ADD3: variants seen among roughly 807,000 people sequenced by gnomAD.
The protein encoded by ADD3 is adducin 3, also known as gamma-adducin.
ADD3 carries 25 observed loss-of-function variants against 80.2 expected under a neutral mutation model. The ratio of observed to expected loss-of-function variants is 0.31; its 90% confidence interval spans 0.23 to 0.44. The LOEUF (loss-of-function observed/expected upper bound fraction) is 0.44, where lower values mean the gene tolerates loss of function less well. Among genes scored for constraint, ADD3 ranks in the 20% least tolerant of loss-of-function variants. The pLI is 1.00. For missense variants in ADD3, 829 were observed against 847.5 expected, an observed-to-expected ratio of 0.98 and a Z score of 0.27; for synonymous variants, 284 against 289.6, an observed-to-expected ratio of 0.98 and a Z score of 0.20.
At chr10:110,109,248 A>G (rs1849720396) in intron 2 of ADD3, among the ~76,000 whole-genome samples, 2 of 152,048 alleles carry the variant, frequency 1.3e-5, no homozygotes, top group Non-Finnish European at 2.9e-5. Flanking sequence ...TCTAAAAACC[A>G]TTGTAAATCA....
chr10:110,101,670 A>G (rs534803557), intron 2 of ADD3, among the ~76,000 whole-genome samples: 1 of 152,214 alleles, frequency 6.6e-6, no homozygotes, highest in East Asian at 1.9e-4. Flanking sequence ...CTCAAGTGGA[A>G]AAATCCTGTC....
chr10:110,017,090 G>A (rs1316344906), intron 1 of ADD3, among the ~76,000 whole-genome samples: 2 of 152,174 alleles, frequency 1.3e-5, no homozygotes, highest in Non-Finnish European at 2.9e-5. Flanking sequence ...CCAAAGTTTA[G>A]TGAAGTAACT....
chr10:110,025,356 T>A (rs1854164692), intron 1 of ADD3, among the ~76,000 whole-genome samples: 1 of 152,028 alleles, frequency 6.6e-6, no homozygotes, highest in African/African-American at 2.4e-5. Flanking sequence ...TTTTTTAATT[T>A]TAGTTCGATA....
upstream of ADD3, among the ~76,000 whole-genome samples, chr10:110,003,384 A>T (rs563837072): frequency 1.3e-5 from 2 of 152,026 alleles, no homozygotes; most frequent in African/African-American, 2.4e-5. Flanking sequence ...CTGAAACAAC[A>T]AGTAGTAAAA....
intron 1 of ADD3, among the ~76,000 whole-genome samples, chr10:109,999,863 C>G (rs1055932426): frequency 1.3e-5 from 2 of 150,424 alleles, no homozygotes; most frequent in Non-Finnish European, 2.9e-5. Flanking sequence ...TTGTTTCATA[C>G]ATTTGTGTTT....
upstream of ADD3, among the ~76,000 whole-genome samples, chr10:110,003,378 A>C (rs1194456567): frequency 3.3e-5 from 5 of 151,734 alleles, no homozygotes; most frequent in African/African-American, 1.2e-4. Context: ...TGCTTTCTGA[A>C]ACAACAAGTA....
intron 1 of ADD3, among the ~76,000 whole-genome samples, chr10:110,100,222 C>T (rs772623396): frequency 5.3e-5 from 8 of 151,958 alleles, no homozygotes; most frequent in South Asian, 2.1e-4. Flanking sequence ...TGGTGGCACG[C>T]GCCTGTAGTC....
chr10:110,122,170 T>C lies in ADD3; in HGVS notation c.1021T>C (p.Tyr341His). The change falls in exon 9 of 15, where the codon TAT becomes CAT. Residue 341 changes from tyrosine to histidine, a missense_variant. Coordinates refer to ENST00000356080, the MANE Select transcript of ADD3 (RefSeq NM_016824.5). ...TCTCCATGTACTGGACTTTCAGAAG[T>C]ATAAAGCTTTCACTTACACTGTAGC... is the stretch of plus-strand genomic sequence containing the variant. ...DNLHVLDFQKYKAFTYTVAAS... is the reference protein window; with the variant it reads ...DNLHVLDFQKHKAFTYTVAAS... 1 of 1,614,166 alleles carries C rather than the reference T, an allele frequency of 6.2e-7. No individual in the cohort carries two copies. The highest frequency in any genetic ancestry group is 8.5e-7 in the Non-Finnish European group (1 of 1,179,996).
At chr10:110,005,994 C>A, upstream of ADD3, 2 of 245,146 alleles carry the variant, frequency 8.2e-6, no homozygotes, top group South Asian at 4.5e-5. Context: ...GCTAATGCTG[C>A]TGCTGCTGCT....
intron 1 of ADD3, among the ~76,000 whole-genome samples, chr10:110,023,478 C>T (rs1464306801): frequency 6.6e-6 from 1 of 152,168 alleles, no homozygotes; most frequent in East Asian, 1.9e-4. Flanking sequence ...AGGAATGGGA[C>T]ATTTTGGAGG....
At position 110,093,861 on chromosome 10, in the gene ADD3, T is replaced by A. The variant is rs988722556; in HGVS notation, c.-29-6764T>A. Reference sequence around the variant, plus strand: ...TGTATGTATGAAAAATATATAGTTATGTGAATGTGGTCTTTCCCTGTATCT... The same window carrying A: ...TGTATGTATGAAAAATATATAGTTAAGTGAATGTGGTCTTTCCCTGTATCT... On this transcript the variant is annotated intron_variant, in intron 1 of 14. Coordinates refer to ENST00000356080, the MANE Select transcript of ADD3 (RefSeq NM_016824.5). Among the ~76,000 whole-genome samples, 9 of 152,138 alleles carry A rather than the reference T, an allele frequency of 5.9e-5. No individual in the cohort carries two copies. The East Asian group carries it at 1.5e-3, about 26-fold the overall frequency.
chr10:110,128,926 C>A (rs148544701), intron 12 of ADD3, among the ~76,000 whole-genome samples: 3 of 152,126 alleles, frequency 2.0e-5, no homozygotes, highest in Admixed American at 6.5e-5. Context: ...TCTGGGTATA[C>A]ACAGAGCTCG....
rs532705067 is a variant in ADD3, at chr10:110,071,791, G to T, written c.-29-28834G>T. ...AGTTTGGTGAATTTTTGTTTTAAAT[G>T]GGGATCATGCCTAATCTTTAGACCT... On this transcript the variant is annotated intron_variant, in intron 1 of 14. Transcript: ENST00000356080. 6.6e-5 allele frequency among the ~76,000 whole-genome samples: 10 copies of T among 152,244 alleles called. 1 individual carries two copies. In the East Asian group the frequency reaches 1.9e-3, roughly 29 times the overall value.
intron 1 of ADD3, among the ~76,000 whole-genome samples, chr10:110,054,522 A>G (rs1305244323): frequency 1.4e-5 from 2 of 145,858 alleles, no homozygotes; most frequent in African/African-American, 5.1e-5. Context: ...GCTCACTGCA[A>G]CCTCCACCTC....
chr10:110,091,397 A>C (rs930128662), intron 1 of ADD3, among the ~76,000 whole-genome samples: 2 of 152,220 alleles, frequency 1.3e-5, no homozygotes, highest in African/African-American at 4.8e-5. Context: ...ACAAGACTAC[A>C]GTAACTAAAA....
chr10:110,041,417 A>G (rs1056530563), intron 1 of ADD3, among the ~76,000 whole-genome samples: 2 of 152,114 alleles, frequency 1.3e-5, no homozygotes, highest in Non-Finnish European at 2.9e-5. Flanking sequence ...GTAGGGATCC[A>G]TTTCAATCCC....
intron 1 of ADD3, among the ~76,000 whole-genome samples, chr10:110,011,199 C>G (rs992132615): frequency 2.6e-5 from 4 of 151,194 alleles, no homozygotes; most frequent in Non-Finnish European, 5.9e-5. Context: ...TATCACCTTT[C>G]TGATTACCAA....
At chr10:110,111,261 T>C (rs1053926762) in intron 2 of ADD3, among the ~76,000 whole-genome samples, 2 of 152,226 alleles carry the variant, frequency 1.3e-5, no homozygotes, top group Non-Finnish European at 2.9e-5. Flanking sequence ...CAGGGCATCC[T>C]GCTACATAAG....
rs753722457 is a variant in ADD3, at chr10:110,122,102, G to A, written c.961-8G>A. 1.9e-6 allele frequency: 3 copies of A among 1,602,318 alleles called. No homozygotes were observed. Among genetic ancestry groups the A allele is most frequent in the African/African-American group, 2.7e-5 (2 of 74,380 alleles). On this transcript the variant is annotated splice_polypyrimidine_tract_variant and splice_region_variant and intron_variant, in intron 8 of 14. Transcript: ENST00000356080. ...TTGTGTCTCTGTATATTTTACCATT[G>A]ATTACAGGTGCAGGCCCTAGCAGGT...
Sources: gnomAD v4.1 joint callset for allele counts (sites outside exome capture counted in the v4.1 genomes callset) on GRCh38, gnomAD v4.1.1 for gene constraint, MANE v1.5 for transcripts, NCBI Gene and HGNC (gene_info 2026-07-23, HGNC 2026-07-21) for gene names.